The following RBFOX1 variants were observed in gnomAD, a reference collection of about 807,000 sequenced individuals.
RBFOX1 encodes the protein RNA binding protein fox-1 homolog 1.
Under a neutral mutation model 57.7 loss-of-function variants are expected in RBFOX1, and 8 were observed. The observed-to-expected ratio is 0.14, with a 90% confidence interval of 0.08 to 0.25. RBFOX1 has a LOEUF of 0.25. Ranked by LOEUF, RBFOX1 falls within the 10% of genes least tolerant of loss-of-function variation. The pLI, the probability that RBFOX1 is intolerant of heterozygous loss-of-function variation, is 1.00. For missense variants in RBFOX1, 611 were observed against 548.5 expected (o/e 1.11, Z -1.14); for synonymous variants, 326 against 222.4 (o/e 1.47, Z -4.15).
intron 3 of RBFOX1, among the ~76,000 whole-genome samples, chr16:6,884,422 C>G (rs1276634228): frequency 1.3e-5 from 2 of 152,170 alleles, no homozygotes; most frequent in African/African-American, 2.4e-5. Context: ...GGAGTGAGGA[C>G]AGTAAAGTCT....
chr16:6,387,664 A>G (rs942580471), intron 2 of RBFOX1, among the ~76,000 whole-genome samples: 1 of 152,176 alleles, frequency 6.6e-6, no homozygotes, highest in African/African-American at 2.4e-5. Context: ...TTATATTTTT[A>G]GCTTTATGCA....
chr16:5,688,636 C>G (rs1326596170), intron 3 of RBFOX1, among the ~76,000 whole-genome samples: 1 of 152,130 alleles, frequency 6.6e-6, no homozygotes, highest in Non-Finnish European at 1.5e-5. Flanking sequence ...AGGGCCTGAA[C>G]TGGGTTACAT....
chr16:7,330,913 T>A (rs1402562867), intron 4 of RBFOX1, among the ~76,000 whole-genome samples: 1 of 152,094 alleles, frequency 6.6e-6, no homozygotes, highest in South Asian at 2.1e-4. Context: ...CTCAGAAATG[T>A]GGTGTTGAAA....
At chr16:6,732,158 T>A (rs765753725) in intron 3 of RBFOX1, among the ~76,000 whole-genome samples, 2 of 152,194 alleles carry the variant, frequency 1.3e-5, no homozygotes, top group African/African-American at 2.4e-5. Context: ...CCTATACATC[T>A]GATCCCTCCA....
At chr16:5,868,723 C>T (rs1319202939) in intron 4 of RBFOX1, among the ~76,000 whole-genome samples, 2 of 152,182 alleles carry the variant, frequency 1.3e-5, no homozygotes, top group Admixed American at 1.3e-4. Flanking sequence ...CCCCCACTGT[C>T]ACCTATGTCC....
At chr16:7,274,068 T>C (rs557310404) in intron 4 of RBFOX1, among the ~76,000 whole-genome samples, 147 of 152,282 alleles carry the variant, frequency 9.7e-4, no homozygotes, top group Middle Eastern at 3.4e-3. Context: ...AGAGAAAACA[T>C]AAGTGTGGAA....
chr16:6,384,723 A>C (rs1327522311), intron 2 of RBFOX1, among the ~76,000 whole-genome samples: 1 of 152,210 alleles, frequency 6.6e-6, no homozygotes, highest in Non-Finnish European at 1.5e-5. Flanking sequence ...CCTCCATCTC[A>C]GAGTGTGTGT....
At position 7,154,859 on chromosome 16, in the gene RBFOX1, T is replaced by C. The variant is rs767368455; in HGVS notation, c.27+102761T>C. On this transcript the variant is annotated intron_variant, in intron 4 of 15. Coordinates refer to ENST00000550418, the MANE Select transcript of RBFOX1 (RefSeq NM_018723.4). ...ACTGTATGAAGTTTGAAGTTTGTAT[T>C]GTTATGAAACCCACTTCATAGGTAA... is the stretch of plus-strand genomic sequence containing the variant. Among the ~76,000 whole-genome samples the C allele has an allele frequency of 1.2e-3, 179 of 152,298 alleles. 2 individuals are homozygous for C. The highest frequency in any genetic ancestry group is 3.4e-3 in the Middle Eastern group (1 of 294).
intron 3 of RBFOX1, among the ~76,000 whole-genome samples, chr16:5,611,766 T>A (rs60870550): frequency 4.5e-5 from 2 of 44,324 alleles, no homozygotes; most frequent in East Asian, 1.0e-3. Context: ...TTCTTTTCAG[T>A]CTCCCATCCA....
Position 7,671,633 on chromosome 16 carries a change from C to T in RBFOX1, c.931-5141C>T, listed in dbSNP as rs202168791. 4 of 1,584,622 alleles carry T rather than the reference C, an allele frequency of 2.5e-6. No individual in the cohort carries two copies. The East Asian group carries it at 9.0e-5, about 35-fold the overall frequency. On this transcript the variant is annotated intron_variant, in intron 13 of 15. Coordinates refer to ENST00000550418, the MANE Select transcript of RBFOX1 (RefSeq NM_018723.4). ...TCCCGACTGGTGGAGAAACTCATCA[C>T]TATGATTGTGGGTTTGCTGTGAAAT... is the stretch of plus-strand genomic sequence containing the variant.
rs80129395 is a variant in RBFOX1, at chr16:5,516,164, C to T, written c.258+48910C>T. On this transcript the variant is annotated intron_variant, in intron 2 of 2. Coordinates refer to the RBFOX1 transcript ENST00000585867. ...CTGGTCCTGAGACAAAGATGCCACT[C>T]CTCCAAAGGGAGTCAAGCTTGATGG... Among the ~76,000 whole-genome samples the T allele has an allele frequency of 5.1e-3, 770 of 152,322 alleles. 11 individuals carry two copies. The highest frequency in any genetic ancestry group is 0.018 in the African/African-American group (739 of 41,570).
chr16:6,786,299 T>C (rs1186828499), intron 3 of RBFOX1, among the ~76,000 whole-genome samples: 1 of 152,094 alleles, frequency 6.6e-6, no homozygotes, highest in East Asian at 1.9e-4. Context: ...TCTTAACCAC[T>C]TGTTATAATT....
chr16:6,382,558 G>A (rs1381206788), intron 2 of RBFOX1, among the ~76,000 whole-genome samples: 1 of 152,166 alleles, frequency 6.6e-6, no homozygotes, highest in Non-Finnish European at 1.5e-5. Flanking sequence ...CTTCATTAAG[G>A]GATGTGAAAA....
At chr16:6,416,254 C>T (rs2093621640) in intron 2 of RBFOX1, among the ~76,000 whole-genome samples, 1 of 152,180 alleles carries the variant, frequency 6.6e-6, no homozygotes, top group Admixed American at 6.5e-5. Context: ...CAGCCATCTC[C>T]ACATCAAAAC....
chr16:7,014,291 C>T (rs2093796058), intron 3 of RBFOX1, among the ~76,000 whole-genome samples: 1 of 151,806 alleles, frequency 6.6e-6, no homozygotes, highest in Non-Finnish European at 1.5e-5. Context: ...TGGCTCACTA[C>T]AATGTTAGCC....
Position 6,780,457 on chromosome 16 carries a change from T to A in RBFOX1, c.-16+125807T>A, listed in dbSNP as rs556952975. Among the ~76,000 whole-genome samples the A allele has an allele frequency of 8.5e-3, 911 of 107,074 alleles. 27 individuals are homozygous for A. Among genetic ancestry groups the A allele is most frequent in the African/African-American group, 0.035 (863 of 24,380 alleles). The allele number at this position is 107,074 out of a possible 152,430, so 70.2% of individuals were successfully genotyped here. On this transcript the variant is annotated intron_variant, in intron 3 of 15. Coordinates refer to ENST00000550418, the MANE Select transcript of RBFOX1 (RefSeq NM_018723.4). Reference sequence around the variant, plus strand: ...ATAGATATATTTATATATACATTTTTATATATATTTATATACATTTTTATA... The same window carrying A: ...ATAGATATATTTATATATACATTTTAATATATATTTATATACATTTTTATA...
chr16:7,367,885 TACACACAC>T (rs34277471), intron 4 of RBFOX1, among the ~76,000 whole-genome samples: 2,406 of 148,428 alleles, frequency 0.016, 32 homozygotes, highest in Admixed American at 0.023. Flanking sequence ...CATGCGTGCA[TACACACAC>T]ACACACACAC....
chr16:6,077,040 C>T (rs1317481673), intron 1 of RBFOX1, among the ~76,000 whole-genome samples: 1 of 152,132 alleles, frequency 6.6e-6, no homozygotes, highest in African/African-American at 2.4e-5. Context: ...AAGCGCTCGG[C>T]AAATGTAGTT....
chr16:6,220,556 C>A (rs565840452), intron 1 of RBFOX1, among the ~76,000 whole-genome samples: 2 of 152,220 alleles, frequency 1.3e-5, no homozygotes, highest in Admixed American at 1.3e-4. Flanking sequence ...TCAGTGAGAT[C>A]TTTTGATTAA....
Sources: gnomAD v4.1 joint callset for allele counts (sites outside exome capture counted in the v4.1 genomes callset) on GRCh38, gnomAD v4.1.1 for gene constraint, MANE v1.5 for transcripts, NCBI Gene and HGNC (gene_info 2026-07-23, HGNC 2026-07-21) for gene names.